The following RIC8B variants were observed in gnomAD, a reference collection of about 807,000 sequenced individuals.
RIC8B encodes the protein RIC8 guanine nucleotide exchange factor B, also known as chaperone Ric-8B.
A neutral mutation model predicts 57.5 loss-of-function variants in RIC8B; 16 were observed. That is an observed-to-expected ratio of 0.28 (90% CI 0.19 to 0.42). RIC8B has a LOEUF of 0.42. Ranked by LOEUF, RIC8B falls within the 10% of genes least tolerant of loss-of-function variation. RIC8B has a pLI of 1.00. For missense variants in RIC8B, 481 were observed against 677.0 expected (o/e 0.71, Z 3.21); for synonymous variants, 216 against 250.8 (o/e 0.86, Z 1.31).
chr12:106,820,691 A>G (rs1593201759), intron 3 of RIC8B, among the ~76,000 whole-genome samples: 1 of 152,226 alleles, frequency 6.6e-6, no homozygotes, highest in East Asian at 1.9e-4. Context: ...TGAGTAGTCA[A>G]AGGATACCAT....
chr12:106,851,229 A>T (rs2136465123), intron 6 of RIC8B, among the ~76,000 whole-genome samples: 1 of 149,640 alleles, frequency 6.7e-6, no homozygotes, highest in East Asian at 2.0e-4. Context: ...CAGTGAAGAG[A>T]TGTTTCTGTT....
chr12:106,848,087 G>A (rs897909392), intron 6 of RIC8B, among the ~76,000 whole-genome samples: 1 of 152,208 alleles, frequency 6.6e-6, no homozygotes, highest in Admixed American at 6.5e-5. Flanking sequence ...CTAAAGGTTA[G>A]TGATATGGAG....
chr12:106,855,104 C>T (rs778183121), intron 7 of RIC8B, among the ~76,000 whole-genome samples: 3 of 152,158 alleles, frequency 2.0e-5, no homozygotes, highest in Non-Finnish European at 2.9e-5. Context: ...CACCTTTTAT[C>T]GTATTCATTA....
intron 9 of RIC8B, among the ~76,000 whole-genome samples, chr12:106,877,760 T>A (rs1401303095): frequency 3.3e-5 from 5 of 152,202 alleles, no homozygotes; most frequent in Admixed American, 2.0e-4. Flanking sequence ...AGGACGCTTT[T>A]GAATGCGGCC....
At chr12:106,803,648 T>C (rs1380583979) in intron 2 of RIC8B, among the ~76,000 whole-genome samples, 1 of 152,234 alleles carries the variant, frequency 6.6e-6, no homozygotes, top group African/African-American at 2.4e-5. Context: ...TATTGGCCCA[T>C]TTTTATTCTA....
intron 2 of RIC8B, among the ~76,000 whole-genome samples, chr12:106,785,785 G>GTATCTCTCTCTCTCTCTCTC (rs2043977986): frequency 9.6e-6 from 1 of 104,624 alleles, no homozygotes; most frequent in Non-Finnish European, 2.0e-5. Flanking sequence ...TGTATTCTAT[G>GTATCTCTCTCTCTCTCTCTC]TCTCTCTCTC....
At chr12:106,868,434 A>G (rs897266736) in intron 8 of RIC8B, 3 of 424,306 alleles carry the variant, frequency 7.1e-6, no homozygotes, top group Non-Finnish European at 1.4e-5. Context: ...GTATGTATCT[A>G]TAATAAGCAC....
chr12:106,845,516 G>A (rs1368265163), intron 6 of RIC8B, among the ~76,000 whole-genome samples: 1 of 152,056 alleles, frequency 6.6e-6, no homozygotes, highest in African/African-American at 2.4e-5. Flanking sequence ...TGCTACTTCT[G>A]TGGCCAGCAT....
Position 106,884,122 on chromosome 12 carries a change from C to T in RIC8B, c.1572-1782C>T, listed in dbSNP as rs562134970. Among the ~76,000 whole-genome samples, 7 of 152,376 alleles carry T rather than the reference C, an allele frequency of 4.6e-5. No homozygotes were observed. In the South Asian group the frequency reaches 6.2e-4, roughly 14 times the overall value. ...AGTGCAGGGCCACTCACTGACACCTCACTTGACAGTGCCCTCCCCAGGCAG... is the reference window on the plus strand; with the variant it reads ...AGTGCAGGGCCACTCACTGACACCTTACTTGACAGTGCCCTCCCCAGGCAG... On this transcript the variant is annotated intron_variant, in intron 9 of 9. Coordinates refer to ENST00000392837, the MANE Select transcript of RIC8B (RefSeq NM_001330145.2).
intron 2 of RIC8B, among the ~76,000 whole-genome samples, chr12:106,789,404 C>T (rs1410452678): frequency 6.6e-6 from 1 of 152,144 alleles, no homozygotes; most frequent in East Asian, 1.9e-4. Flanking sequence ...AGCAACACCC[C>T]ACTCTACTGG....
At chr12:106,776,939 C>T (rs1303111804) in intron 1 of RIC8B, among the ~76,000 whole-genome samples, 1 of 152,270 alleles carries the variant, frequency 6.6e-6, no homozygotes, top group African/African-American at 2.4e-5. Context: ...GGTGCAATCA[C>T]GGCTCACTGC....
At chr12:106,868,173 C>A in intron 8 of RIC8B, 1 of 384,506 alleles carries the variant, frequency 2.6e-6, no homozygotes, top group Admixed American at 2.9e-5. Flanking sequence ...TGCTGTGGTG[C>A]CCACAATAAG....
intron 2 of RIC8B, among the ~76,000 whole-genome samples, chr12:106,785,809 CTCTCTGTGTGTG>C (rs890318380): frequency 1.8e-4 from 23 of 128,232 alleles, no homozygotes; most frequent in Admixed American, 6.6e-4. Flanking sequence ...CTCTCTCTCT[CTCTCTGTGTGTG>C]TGTGTGTGTG....
chr12:106,814,711 A>C lies in RIC8B; in HGVS notation c.148A>C (p.Ile50Leu), dbSNP rs747952081. 74 of 1,595,098 alleles carry C rather than the reference A, an allele frequency of 4.6e-5. No individual in the cohort carries two copies. The East Asian group carries it at 1.5e-3, about 31-fold the overall frequency. The change falls in exon 3 of 10, where the codon ATA (isoleucine) becomes CTA (leucine). Residue 50 changes from isoleucine to leucine, a missense_variant. Physicochemically the swap from Ile to Leu is conservative, Grantham distance 5. Transcript: ENST00000392837. ...TGTTTTTCAGAAACTCTGTGAAGGCATATTTAAAGTCCTTATAAAGGACAT... is the reference window on the plus strand; with the variant it reads ...TGTTTTTCAGAAACTCTGTGAAGGCCTATTTAAAGTCCTTATAAAGGACAT... ...EDKRKKLCEG[I>L]FKVLIKDIPT...
chr12:106,867,115 C>T lies in RIC8B; in HGVS notation c.1452-3708C>T, dbSNP rs1318234227. On this transcript the variant is annotated intron_variant, in intron 8 of 9. Coordinates refer to ENST00000392837, the MANE Select transcript of RIC8B (RefSeq NM_001330145.2). This position sits in a 1 kb window ranked among gnomAD's most constrained non-coding sequence, Gnocchi z 4.3. ...TAATGGATCTTTTTTGTTAAATGACCTAGTACTGTTGATGTTGGCCAAAGG... is the reference window on the plus strand; with the variant it reads ...TAATGGATCTTTTTTGTTAAATGACTTAGTACTGTTGATGTTGGCCAAAGG... 1.3e-5 allele frequency among the ~76,000 whole-genome samples: 2 copies of T among 152,060 alleles called. No homozygotes were observed. The highest frequency in any genetic ancestry group is 2.9e-5 in the Non-Finnish European group (2 of 68,010).
chr12:106,873,910 A>G (rs1382227110), intron 9 of RIC8B, among the ~76,000 whole-genome samples: 1 of 152,174 alleles, frequency 6.6e-6, no homozygotes. Flanking sequence ...AGAGAAATTT[A>G]ATCTTGTTAA....
rs553578340 is a variant in RIC8B at position 106,872,524 on chromosome 12, C to T, written c.1571+1582C>T. ...TCTCTACTGAAAATACAAATTTAGC[C>T]GGGTGTGGTGGCACATGCCTGTAAT... On this transcript the variant is annotated intron_variant, in intron 9 of 9. Transcript: ENST00000392837. 3.7e-4 allele frequency among the ~76,000 whole-genome samples: 57 copies of T among 152,062 alleles called. No individual in the cohort carries two copies. In the South Asian group the frequency reaches 0.011, roughly 29 times the overall value.
rs932793865 is a variant in RIC8B at position 106,840,613 on chromosome 12, T to C, written c.837-1976T>C. Among the ~76,000 whole-genome samples, 4 of 152,062 alleles carry C rather than the reference T, an allele frequency of 2.6e-5. No individual in the cohort carries two copies. The East Asian group carries it at 7.7e-4, about 29-fold the overall frequency. On this transcript the variant is annotated intron_variant, in intron 4 of 9. Coordinates refer to ENST00000392837, the MANE Select transcript of RIC8B (RefSeq NM_001330145.2). ...GCTCAAACACAGTGAGCCAGAAAAA[T>C]TAATTTTGTAGTTGTTTGGAAACCA...
In RIC8B at chr12:106,825,748, T is replaced by C; in HGVS notation, c.764T>C (p.Val255Ala). The C allele has an allele frequency of 6.2e-7, 1 of 1,613,692 alleles. No homozygotes were observed. Among genetic ancestry groups the C allele is most frequent in the Middle Eastern group, 1.6e-4 (1 of 6,062 alleles). ...TAGAGTGATTCTCATCAGTTCCGTG[T>C]AATGGCAGCTGTCCTTCGTCATTGT... ...HKESDSHQFR[V>A]MAAVLRHCLL... Residue 255 changes from valine to alanine, a missense_variant, in exon 4 of 10, where the codon GTA becomes GCA. Coordinates refer to ENST00000392837, the MANE Select transcript of RIC8B (RefSeq NM_001330145.2).
Sources: allele counts gnomAD v4.1 joint callset (sites outside exome capture counted in the v4.1 genomes callset), GRCh38; gene constraint gnomAD v4.1.1; non-coding constraint Gnocchi (gnomAD v3.1); transcripts MANE v1.5; gene names NCBI Gene and HGNC (gene_info 2026-07-23, HGNC 2026-07-21).